ANKRD28: variants seen among roughly 807,000 people sequenced by gnomAD.
ANKRD28 encodes ankyrin repeat domain 28.
In ANKRD28, 44 loss-of-function variants were observed where a neutral mutation model predicts 126.5. The observed-to-expected ratio is 0.35, with a 90% CI of 0.27 to 0.45. The LOEUF (loss-of-function observed/expected upper bound fraction) is 0.45. ANKRD28 is among the 20% of genes least tolerant of loss of function. The pLI is 1.00. For synonymous variants in ANKRD28, 442 were observed against 468.5 expected, an observed-to-expected ratio of 0.94 and a Z score of 0.73; for missense variants, 1,110 against 1,316.6, an observed-to-expected ratio of 0.84 and a Z score of 2.43.
chr3:15,747,207 G>T (rs1553617841), intron 4 of ANKRD28, among the ~76,000 whole-genome samples: 1 of 145,706 alleles, frequency 6.9e-6, no homozygotes, highest in Admixed American at 6.9e-5. Context: ...GTTCTGCTCT[G>T]ATCTTCATTA....
intron 16 of ANKRD28, 103 bp downstream of exon 16, chr3:15,695,085 T>C (rs961667436): frequency 6.5e-5 from 63 of 976,246 alleles, no homozygotes; most frequent in Middle Eastern, 2.1e-4. Flanking sequence ...GTGCCTAATA[T>C]GTAAAAACAC....
chr3:15,767,026 C>A (rs908542740), intron 2 of ANKRD28, among the ~76,000 whole-genome samples: 1 of 152,166 alleles, frequency 6.6e-6, no homozygotes, highest in Non-Finnish European at 1.5e-5. Flanking sequence ...CGACATTATA[C>A]TTTAAAGCAA....
intron 14 of ANKRD28, among the ~76,000 whole-genome samples, chr3:15,705,581 CT>C (rs1178151158): frequency 1.3e-5 from 2 of 152,174 alleles, no homozygotes; most frequent in African/African-American, 4.8e-5. Flanking sequence ...GGATAAGCTA[CT>C]TATCCAAGTT....
At chr3:15,766,179 T>C in intron 3 of ANKRD28, 55 bp downstream of exon 3, 7 of 1,385,070 alleles carry the variant, frequency 5.1e-6, no homozygotes, top group Non-Finnish European at 7.0e-6. Flanking sequence ...TTGAGAAACA[T>C]TAAGAATAAC....
intron 2 of ANKRD28, among the ~76,000 whole-genome samples, chr3:15,773,841 G>A (rs1216553249): frequency 2.6e-5 from 4 of 151,996 alleles, no homozygotes; most frequent in Admixed American, 1.3e-4. Flanking sequence ...TAAAATTTAC[G>A]TAGAAAGACA....
chr3:15,674,232 TC>T (rs1267359518), intron 27 of ANKRD28, among the ~76,000 whole-genome samples: 1 of 140,546 alleles, frequency 7.1e-6, no homozygotes, highest in East Asian at 2.3e-4. Flanking sequence ...TAACATGTTC[TC>T]ATATACTTTA....
chr3:15,858,790 A>G (rs1043199877), intron 1 of ANKRD28, among the ~76,000 whole-genome samples: 1 of 152,236 alleles, frequency 6.6e-6, no homozygotes, highest in African/African-American at 2.4e-5. Context: ...TTTCAGTTCC[A>G]GAGAATTACA....
chr3:15,814,151 T>C lies in ANKRD28; in HGVS notation c.28-18845A>G, dbSNP rs1391376238. On this transcript the variant is annotated intron_variant, in intron 1 of 27. Transcript: ENST00000399451. This position sits in a 1 kb window ranked among gnomAD's most constrained non-coding sequence, Gnocchi z 4.7. ...CTCACATACAGTTATGTATGAAAGCTAAGTTACAAGGAGGCTTAAACAGCA... is the reference window on the plus strand; with the variant it reads ...CTCACATACAGTTATGTATGAAAGCCAAGTTACAAGGAGGCTTAAACAGCA... The C allele has an allele frequency of 4.9e-6, 3 of 613,434 alleles. No individual in the cohort carries two copies. Among genetic ancestry groups the C allele is most frequent in the Admixed American group, 1.0e-4 (2 of 19,582 alleles). The allele number at this position is 613,434 out of a possible 1,614,324, so 38.0% of individuals were successfully genotyped here. A position where few individuals can be genotyped will look rare whatever the true frequency, so the allele number is the denominator to read the frequency against.
At position 15,797,864 on chromosome 3, in the gene ANKRD28, C is replaced by A; in HGVS notation, c.-1343G>T. On this transcript the variant is annotated 5_prime_UTR_variant, in exon 1 of 28. The change creates a new upstream start codon in the 5' untranslated region. Coordinates refer to ENST00000683139, the MANE Select transcript of ANKRD28 (RefSeq NM_001349278.2). Reference sequence around the variant, plus strand: ...GGTCCTTAAAAAATATCTATAGAACCTCAGTATCAGTCCCACAGAAGCATT... The same window carrying A: ...GGTCCTTAAAAAATATCTATAGAACATCAGTATCAGTCCCACAGAAGCATT... 1 of 985,372 alleles carries A rather than the reference C, an allele frequency of 1.0e-6. No homozygotes were observed. The highest frequency in any genetic ancestry group is 1.2e-6 in the Non-Finnish European group (1 of 829,944). 61.0% of individuals were successfully genotyped at this position (985,372 alleles called of 1,614,324 possible).
At chr3:15,818,009 A>G (rs1339871402) in intron 1 of ANKRD28, among the ~76,000 whole-genome samples, 1 of 152,210 alleles carries the variant, frequency 6.6e-6, no homozygotes, top group East Asian at 1.9e-4. Flanking sequence ...TTATAATAAT[A>G]CCCCAAAACT....
intron 6 of ANKRD28, among the ~76,000 whole-genome samples, chr3:15,729,287 T>C (rs1046186950): frequency 1.3e-5 from 2 of 152,310 alleles, no homozygotes; most frequent in African/African-American, 4.8e-5. Flanking sequence ...CTCTGTGTCT[T>C]TGTTCATGTA....
intron 3 of ANKRD28, among the ~76,000 whole-genome samples, chr3:15,753,433 C>T (rs1476691626): frequency 6.6e-6 from 1 of 152,196 alleles, no homozygotes; most frequent in African/African-American, 2.4e-5. Context: ...CTGCTTAGGA[C>T]TTCAATGGTT....
chr3:15,707,114 A>C (rs1019165079), intron 14 of ANKRD28, among the ~76,000 whole-genome samples: 6 of 152,216 alleles, frequency 3.9e-5, no homozygotes, highest in African/African-American at 1.4e-4. Context: ...CTGTTATATG[A>C]AGTACATTTT....
At chr3:15,763,016 C>G (rs1335583018) in intron 3 of ANKRD28, among the ~76,000 whole-genome samples, 1 of 152,194 alleles carries the variant, frequency 6.6e-6, no homozygotes, top group Non-Finnish European at 1.5e-5. Flanking sequence ...TAGTGTCTCT[C>G]ATGGCAACAC....
chr3:15,791,570 C>T (rs958176702), intron 2 of ANKRD28, among the ~76,000 whole-genome samples: 2 of 152,052 alleles, frequency 1.3e-5, no homozygotes, highest in Non-Finnish European at 2.9e-5. Flanking sequence ...CATGCAAAAT[C>T]ATGAAACCAG....
intron 3 of ANKRD28, among the ~76,000 whole-genome samples, chr3:15,765,233 C>T (rs540637760): frequency 6.6e-6 from 1 of 152,120 alleles, no homozygotes; most frequent in East Asian, 1.9e-4. Flanking sequence ...CGTAGTCTGA[C>T]CACAATAGGA....
chr3:15,746,595 T>G (rs1393888953), intron 4 of ANKRD28, among the ~76,000 whole-genome samples: 1 of 152,244 alleles, frequency 6.6e-6, no homozygotes, highest in African/African-American at 2.4e-5. Flanking sequence ...CTTTTTGATA[T>G]GCTGTTGGAT....
At chr3:15,754,206 A>G (rs1012039176) in intron 3 of ANKRD28, among the ~76,000 whole-genome samples, 25 of 152,184 alleles carry the variant, frequency 1.6e-4, no homozygotes, top group African/African-American at 5.5e-4. Context: ...TAAATTGCTC[A>G]CTGTTCTGAG....
intron 3 of ANKRD28, among the ~76,000 whole-genome samples, chr3:15,764,869 C>G (rs2058668226): frequency 6.6e-6 from 1 of 152,040 alleles, no homozygotes; most frequent in Non-Finnish European, 1.5e-5. Context: ...TTAGCCAGGT[C>G]CATGTTTAAC....
Sources: allele counts gnomAD v4.1 joint callset (sites outside exome capture counted in the v4.1 genomes callset), GRCh38; gene constraint gnomAD v4.1.1; non-coding constraint Gnocchi (gnomAD v3.1); transcripts MANE v1.5; gene names NCBI Gene and HGNC (gene_info 2026-07-23, HGNC 2026-07-21).